TRDN: variants seen among roughly 807,000 people sequenced by gnomAD.
TRDN encodes the protein triadin.
TRDN carries 161 observed loss-of-function variants against 149.7 expected under a neutral mutation model. That is an observed-to-expected ratio of 1.08 (90% CI 0.95 to 1.23). The LOEUF (loss-of-function observed/expected upper bound fraction) is 1.23. TRDN is among the 50% of genes most tolerant of loss of function. TRDN has a pLI of 0.00. For synonymous variants in TRDN, 294 were observed against 250.5 expected (o/e 1.17, Z -1.64); for missense variants, 896 against 823.5 (o/e 1.09, Z -1.08).
chr6:123,310,900 A>T (rs1336592037), intron 24 of TRDN, among the ~76,000 whole-genome samples: 1 of 151,974 alleles, frequency 6.6e-6, no homozygotes, highest in African/African-American at 2.4e-5. Context: ...GGACAAGTTA[A>T]CTCTACTGTT....
intron 2 of TRDN, among the ~76,000 whole-genome samples, chr6:123,560,745 GCAAATGGTTCTTGGA>G (rs1287702035): frequency 1.3e-5 from 2 of 152,000 alleles, no homozygotes; most frequent in Non-Finnish European, 2.9e-5. Context: ...CCCACACAAG[GCAAATGGTTCTTGGA>G]CCAAAGAAAA....
At chr6:123,572,285 C>T (rs1782619857) in intron 1 of TRDN, among the ~76,000 whole-genome samples, 1 of 152,118 alleles carries the variant, frequency 6.6e-6, no homozygotes, top group Non-Finnish European at 1.5e-5. Flanking sequence ...AAATTGCATA[C>T]ATACACACAT....
chr6:123,243,477 T>C (rs1776063977), intron 38 of TRDN, among the ~76,000 whole-genome samples: 2 of 152,100 alleles, frequency 1.3e-5, no homozygotes, highest in African/African-American at 4.8e-5. Flanking sequence ...AAAATACTGA[T>C]TTCAAAGAAG....
At position 123,237,410 on chromosome 6, in the gene TRDN, C is replaced by A. The variant is rs574043563; in HGVS notation, c.1976-13279G>T. On this transcript the variant is annotated intron_variant, in intron 38 of 40. Coordinates refer to ENST00000334268, the MANE Select transcript of TRDN (RefSeq NM_006073.4). ...GACTACAGGTAAGTGCCACCATGCC[C>A]GGCTAATTTTTGTATTTTTAGCAGA... Among the ~76,000 whole-genome samples, 9 of 152,046 alleles carry A rather than the reference C, an allele frequency of 5.9e-5. No homozygotes were observed. In the East Asian group the frequency reaches 1.2e-3, roughly 20 times the overall value.
chr6:123,352,261 T>G (rs1780488166), intron 21 of TRDN: 28 of 985,148 alleles, frequency 2.8e-5, no homozygotes, highest in Non-Finnish European at 3.0e-5. Flanking sequence ...GATCATTGTC[T>G]TATTCCCAGC....
At chr6:123,457,931 C>T (rs369349210) in intron 10 of TRDN, among the ~76,000 whole-genome samples, 2 of 151,990 alleles carry the variant, frequency 1.3e-5, no homozygotes, top group Non-Finnish European at 1.5e-5. Context: ...TTTTTTCTTC[C>T]GAAAGCACTA....
At chr6:123,241,949 T>C (rs111851896) in intron 38 of TRDN, among the ~76,000 whole-genome samples, 161 of 152,298 alleles carry the variant, frequency 1.1e-3, no homozygotes, top group African/African-American at 3.8e-3. Context: ...CACTATTTCA[T>C]TTGAAATACT....
chr6:123,372,426 A>T (rs1227708187), intron 19 of TRDN, among the ~76,000 whole-genome samples: 1 of 152,138 alleles, frequency 6.6e-6, no homozygotes, highest in Non-Finnish European at 1.5e-5. Context: ...TGCTAAAATC[A>T]AGGGGTGAAA....
chr6:123,265,164 C>T (rs1313569451), intron 33 of TRDN, among the ~76,000 whole-genome samples, 154 bp downstream of exon 33: 2 of 151,906 alleles, frequency 1.3e-5, no homozygotes, highest in Admixed American at 1.3e-4. Flanking sequence ...ACACAATATC[C>T]TTTGTCAACC....
At chr6:123,389,980 T>C (rs1782046750) in intron 13 of TRDN, among the ~76,000 whole-genome samples, 1 of 152,294 alleles carries the variant, frequency 6.6e-6, no homozygotes, top group Admixed American at 6.5e-5. Flanking sequence ...TTCTTTACAT[T>C]GAAAATAAGA....
intron 38 of TRDN, among the ~76,000 whole-genome samples, chr6:123,234,817 C>A (rs1369416823): frequency 6.6e-6 from 1 of 152,046 alleles, no homozygotes; most frequent in Non-Finnish European, 1.5e-5. Flanking sequence ...AAAAAACTAA[C>A]CCTGCTGATA....
At chr6:123,286,970 C>T (rs1026065508) in intron 24 of TRDN, among the ~76,000 whole-genome samples, 1 of 152,036 alleles carries the variant, frequency 6.6e-6, no homozygotes, top group Non-Finnish European at 1.5e-5. Flanking sequence ...CTCAAATGAT[C>T]CTGATGGCCA....
At chr6:123,539,103 C>G (rs1027278780) in intron 4 of TRDN, among the ~76,000 whole-genome samples, 3 of 152,084 alleles carry the variant, frequency 2.0e-5, no homozygotes, top group African/African-American at 7.2e-5. Flanking sequence ...AGCTACTACT[C>G]AAATGTTATT....
intron 24 of TRDN, among the ~76,000 whole-genome samples, chr6:123,299,707 A>G (rs1982033): frequency 0.19 from 28,349 of 151,964 alleles, 3,571 homozygotes; most frequent in East Asian, 0.66. Flanking sequence ...CATAAATTCT[A>G]TTATATTAAT....
At chr6:123,396,122 C>T (rs1048875874) in intron 12 of TRDN, among the ~76,000 whole-genome samples, 1 of 152,134 alleles carries the variant, frequency 6.6e-6, no homozygotes, top group African/African-American at 2.4e-5. Context: ...TGAGTCCATA[C>T]ATGTACAACA....
intron 30 of TRDN, among the ~76,000 whole-genome samples, 194 bp from the exon 31 acceptor site, chr6:123,270,060 A>C (rs973647165): frequency 6.6e-6 from 1 of 152,084 alleles, no homozygotes; most frequent in Non-Finnish European, 1.5e-5. Flanking sequence ...CTAGTAAGAC[A>C]CATGCTACGC....
chr6:123,596,489 G>T (rs149906008), intron 1 of TRDN, among the ~76,000 whole-genome samples: 38 of 152,210 alleles, frequency 2.5e-4, no homozygotes, highest in African/African-American at 8.7e-4. Flanking sequence ...CTTTCAATGT[G>T]GATGAAACAG....
At chr6:123,392,972 C>T (rs11154152) in intron 13 of TRDN, among the ~76,000 whole-genome samples, 81,241 of 151,796 alleles carry the variant, frequency 0.54, 22,681 homozygotes, top group African/African-American at 0.69. Context: ...CTCCAGTAAA[C>T]ATTGTATCTT....
intron 38 of TRDN, among the ~76,000 whole-genome samples, chr6:123,244,675 G>T (rs1368513456): frequency 6.6e-6 from 1 of 152,138 alleles, no homozygotes; most frequent in African/African-American, 2.4e-5. Context: ...CACACTTCAT[G>T]ATATTATCCA....
Sources: allele counts gnomAD v4.1 joint callset (sites outside exome capture counted in the v4.1 genomes callset), GRCh38; gene constraint gnomAD v4.1.1; transcripts MANE v1.5; gene names NCBI Gene and HGNC (gene_info 2026-07-23, HGNC 2026-07-21).